BBS12: variants seen among roughly 807,000 people sequenced by gnomAD.
BBS12 encodes the protein Bardet-Biedl syndrome 12.
A neutral mutation model predicts 5.6 loss-of-function variants in BBS12; 5 were observed. The ratio of observed to expected loss-of-function variants is 0.89; its 90% CI spans 0.46 to 1.86. The LOEUF is 1.86. Among genes scored for constraint, BBS12 ranks in the 40% most tolerant of loss-of-function variants. The probability of loss-of-function intolerance (pLI) is 0.01; values close to 1 mark genes in which losing one functional copy is unlikely to be tolerated. For missense variants in BBS12, 748 were observed against 830.4 expected (o/e 0.90, Z 1.22); for synonymous variants, 308 against 306.8 (o/e 1.00, Z -0.04).
the BBS12 span, among the ~76,000 whole-genome samples, chr4:122,701,312 C>T: frequency 5.0e-3 from 767 of 152,232 alleles, 8 homozygotes; most frequent in African/African-American, 0.018. Context: ...AGTCCATACC[C>T]GATAATTATG....
the BBS12 span, among the ~76,000 whole-genome samples, chr4:122,711,711 A>G: frequency 6.6e-6 from 1 of 152,192 alleles, no homozygotes; most frequent in Non-Finnish European, 1.5e-5. Context: ...TAGTTGTATC[A>G]AGTTAGTCAA....
chr4:122,712,723 T>C, the BBS12 span, among the ~76,000 whole-genome samples: 6 of 152,360 alleles, frequency 3.9e-5, no homozygotes, highest in East Asian at 5.8e-4. Context: ...TCATCTTTGC[T>C]TCATTTCCAA....
chr4:122,716,629 A>G, the BBS12 span, among the ~76,000 whole-genome samples: 17 of 97,226 alleles, frequency 1.7e-4, no homozygotes, highest in East Asian at 5.3e-4. Flanking sequence ...GCACATACAC[A>G]TATGTATATA....
chr4:122,702,740 C>T, the BBS12 span, among the ~76,000 whole-genome samples: 1 of 152,164 alleles, frequency 6.6e-6, no homozygotes, highest in Non-Finnish European at 1.5e-5. Context: ...AATAGAAATG[C>T]ATCATGGCCA....
chr4:122,743,723 T>A lies in BBS12; in HGVS notation c.1831T>A (p.Ser611Thr). Residue 611 changes from serine to threonine, a missense_variant, in exon 2 of 2, where the codon TCA becomes ACA. Coordinates refer to ENST00000314218, the MANE Select transcript of BBS12 (RefSeq NM_152618.3). ...TLLYNTANYS[S>T]EFEASTYIQH... ...CCTATATAACACTGCCAATTACTCA[T>A]CAGAATTTGAAGCCAGCACATACAT... The A allele has an allele frequency of 6.2e-7, 1 of 1,614,192 alleles. No individual in the cohort carries two copies.
chr4:122,727,567 T>TTTTTTTTTTTTTTTTTTTTTTTTTG, the BBS12 span, among the ~76,000 whole-genome samples: 1 of 102,592 alleles, frequency 9.7e-6, no homozygotes, highest in Non-Finnish European at 1.9e-5. Context: ...TTTTTTTTTT[T>TTTTTTTTTTTTTTTTTTTTTTTTTG]GAGATGGAGT....
the BBS12 span, among the ~76,000 whole-genome samples, chr4:122,722,557 T>G: frequency 1.3e-5 from 2 of 152,216 alleles, no homozygotes; most frequent in African/African-American, 4.8e-5. Context: ...TATTTATGTC[T>G]TCTTTAGTTT....
At chr4:122,740,207 A>T (rs1383145070) in intron 1 of BBS12, among the ~76,000 whole-genome samples, 10 of 152,220 alleles carry the variant, frequency 6.6e-5, no homozygotes, top group Non-Finnish European at 1.5e-4. Flanking sequence ...CAGGAGGTCG[A>T]GGCTGCAGTG....
At position 122,743,607 on chromosome 4, in the gene BBS12, C is replaced by G. The variant is rs763049195; in HGVS notation, c.1715C>G (p.Thr572Ser). Residue 572 changes from threonine to serine, a missense_variant, in exon 2 of 2, where the codon ACT becomes AGT. Transcript: ENST00000314218. ...NHACSGWLHN[T>S]SSWLASSLAI... ...GCCTGCTCAGGGTGGCTGCATAATACTTCCTCTTGGCTGGCTTCATCTCTG... is the reference window on the plus strand; with the variant it reads ...GCCTGCTCAGGGTGGCTGCATAATAGTTCCTCTTGGCTGGCTTCATCTCTG... 1 of 1,614,184 alleles carries G rather than the reference C, an allele frequency of 6.2e-7. No individual in the cohort carries two copies. Among genetic ancestry groups the G allele is most frequent in the Non-Finnish European group, 8.5e-7 (1 of 1,180,018 alleles).
At chr4:122,734,571 C>T (rs879454288) in intron 1 of BBS12, among the ~76,000 whole-genome samples, 3 of 152,086 alleles carry the variant, frequency 2.0e-5, no homozygotes, top group South Asian at 4.1e-4. Flanking sequence ...CGGCCATATA[C>T]TTCATTTTTA....
the BBS12 span, among the ~76,000 whole-genome samples, chr4:122,723,385 G>A: frequency 6.6e-6 from 1 of 152,148 alleles, no homozygotes; most frequent in African/African-American, 2.4e-5. Flanking sequence ...GTGGAAAAGT[G>A]TTTATTTTCA....
the BBS12 span, among the ~76,000 whole-genome samples, chr4:122,718,712 G>GTGAAATGAAA: frequency 0.15 from 21,309 of 146,164 alleles, 1,743 homozygotes; most frequent in Non-Finnish European, 0.18. Flanking sequence ...GGGATTCGAT[G>GTGAAATGAAA]TGAAATGAAA....
rs1205343911 is a variant in BBS12 at position 122,744,199 on chromosome 4, A to G, written c.*174A>G. 2.9e-6 allele frequency: 2 copies of G among 686,746 alleles called. No individual in the cohort carries two copies. The highest frequency in any genetic ancestry group is 3.7e-5 in the African/African-American group (2 of 54,186). 42.5% of individuals were successfully genotyped at this position (686,746 alleles called of 1,614,324 possible). A position where few individuals can be genotyped will look rare whatever the true frequency, so the allele number is the denominator to read the frequency against. Reference sequence around the variant, plus strand: ...GATTTTACCCTACTTATAAGCTAACAAGTTAGCCTGTTACTGTTTCGTGGG... The same window carrying G: ...GATTTTACCCTACTTATAAGCTAACGAGTTAGCCTGTTACTGTTTCGTGGG... On this transcript the variant is annotated 3_prime_UTR_variant, in exon 2 of 2. Coordinates refer to ENST00000314218, the MANE Select transcript of BBS12 (RefSeq NM_152618.3).
In BBS12 at chr4:122,742,514, G is replaced by T; in HGVS notation, c.622G>T (p.Ala208Ser). The change falls in exon 2 of 2, where the codon GCA becomes TCA. Residue 208 changes from alanine (A) to serine (S), a missense_variant. Transcript: ENST00000314218. ...ATTTAAACCTCAGACAAAGGTTGAAGCAGATAACAACACATCACGAACTCT... is the reference window on the plus strand; with the variant it reads ...ATTTAAACCTCAGACAAAGGTTGAATCAGATAACAACACATCACGAACTCT... ...ELFKPQTKVE[A>S]DNNTSRTLKN... 1 of 1,614,110 alleles carries T rather than the reference G, an allele frequency of 6.2e-7. No homozygotes were observed.
the BBS12 span, among the ~76,000 whole-genome samples, chr4:122,706,922 T>C: frequency 2.8e-4 from 42 of 152,318 alleles, no homozygotes; most frequent in Non-Finnish European, 5.6e-4. Flanking sequence ...GGGATATAAA[T>C]TTATTCTGAT....
At chr4:122,715,492 T>C in the BBS12 span, among the ~76,000 whole-genome samples, 1 of 152,118 alleles carries the variant, frequency 6.6e-6, no homozygotes, top group African/African-American at 2.4e-5. Flanking sequence ...TGAAGGGGTG[T>C]TTTAACTCTG....
rs150040166 is a variant in BBS12 at position 122,742,679 on chromosome 4, T to C, written c.787T>C (p.Tyr263His). 51 of 1,614,210 alleles carry C rather than the reference T, an allele frequency of 3.2e-5. No individual in the cohort carries two copies. The African/African-American group carries it at 6.0e-4, about 19-fold the overall frequency. ...ACATGTTACAGCTACTCACAAAACT[T>C]ACAGATGTAATGATTTGGTAGAGTT... ...QEHVTATHKT[Y>H]RCNDLVELAV... The change falls in exon 2 of 2, where the codon TAC (tyrosine) becomes CAC (histidine). Residue 263 changes from tyrosine (Y) to histidine (H), a missense_variant. Transcript: ENST00000314218.
At chr4:122,710,840 A>G in the BBS12 span, among the ~76,000 whole-genome samples, 1 of 152,114 alleles carries the variant, frequency 6.6e-6, no homozygotes, top group South Asian at 2.1e-4. Flanking sequence ...TAGGTCCTAC[A>G]GTGAATCAAT....
upstream of BBS12, chr4:122,729,305 A>G (rs1412035886): frequency 1.3e-5 from 2 of 152,314 alleles, no homozygotes; most frequent in African/African-American, 4.8e-5. Flanking sequence ...TAGTCTCTTC[A>G]AAAGAAGTGT....
Sources: allele counts gnomAD v4.1 joint callset (sites outside exome capture counted in the v4.1 genomes callset), GRCh38; gene constraint gnomAD v4.1.1; transcripts MANE v1.5; gene names NCBI Gene and HGNC (gene_info 2026-07-23, HGNC 2026-07-21).